The following KCTD1 variants were observed in gnomAD, a reference collection of about 807,000 sequenced individuals.
KCTD1 encodes potassium channel tetramerization domain containing 1.
In KCTD1, 24 loss-of-function variants were observed where a neutral mutation model predicts 66.0. The observed-to-expected ratio is 0.36, with a 90% CI of 0.26 to 0.51. The LOEUF (loss-of-function observed/expected upper bound fraction) is 0.51. Among genes scored for constraint, KCTD1 ranks in the 20% least tolerant of loss-of-function variants. KCTD1 has a pLI of 0.95. For missense variants in KCTD1, 943 were observed against 1,205.2 expected, an observed-to-expected ratio of 0.78 and a Z score of 3.22; for synonymous variants, 511 against 517.2, an observed-to-expected ratio of 0.99 and a Z score of 0.16.
chr18:26,546,624 C>T, intron 1 of KCTD1, 104 bp downstream of exon 1: 2 of 1,309,394 alleles, frequency 1.5e-6, no homozygotes, highest in Non-Finnish European at 2.0e-6. Context: ...AGTACATTAC[C>T]TACTTTTTAA....
At chr18:26,620,190 G>A (rs1158149985) in intron 1 of KCTD1, among the ~76,000 whole-genome samples, 2 of 151,766 alleles carry the variant, frequency 1.3e-5, no homozygotes, top group African/African-American at 2.4e-5. Flanking sequence ...TGTGGAATGC[G>A]GGGACTGATG....
At chr18:26,592,097 C>A (rs187670756) in intron 1 of KCTD1, among the ~76,000 whole-genome samples, 265 of 152,178 alleles carry the variant, frequency 1.7e-3, no homozygotes, top group African/African-American at 5.4e-3. Context: ...AAAGTCTTTA[C>A]CATGTGTAAT....
chr18:26,576,733 C>G (rs1986233911), intron 1 of KCTD1, among the ~76,000 whole-genome samples: 1 of 152,126 alleles, frequency 6.6e-6, no homozygotes, highest in Admixed American at 6.5e-5. Context: ...AGGATTTGTT[C>G]TGTCTTGACA....
chr18:26,461,987 G>A (rs967178470), intron 3 of KCTD1, among the ~76,000 whole-genome samples: 1 of 152,126 alleles, frequency 6.6e-6, no homozygotes, highest in African/African-American at 2.4e-5. Flanking sequence ...GCATGGTGGC[G>A]GACAAAGCCC....
intron 1 of KCTD1, among the ~76,000 whole-genome samples, chr18:26,523,197 C>A (rs1983997737): frequency 6.6e-6 from 1 of 152,050 alleles, no homozygotes; most frequent in Admixed American, 6.6e-5. Context: ...TTGGGAAACA[C>A]TGAGTTAAAC....
At chr18:26,463,175 G>A (rs904182901) in intron 3 of KCTD1, among the ~76,000 whole-genome samples, 9 of 152,164 alleles carry the variant, frequency 5.9e-5, no homozygotes, top group Non-Finnish European at 1.0e-4. Flanking sequence ...GCACCATCTG[G>A]CCAGGCACAG....
At chr18:26,648,480 C>T (rs1987970340) in intron 1 of KCTD1, among the ~76,000 whole-genome samples, 1 of 152,194 alleles carries the variant, frequency 6.6e-6, no homozygotes, top group Admixed American at 6.5e-5. Context: ...AATTTGTTTA[C>T]CTGTATCCAA....
At chr18:26,530,557 G>A (rs1232178673) in intron 1 of KCTD1, among the ~76,000 whole-genome samples, 2 of 152,168 alleles carry the variant, frequency 1.3e-5, no homozygotes, top group Non-Finnish European at 2.9e-5. Flanking sequence ...ACCTCACTAG[G>A]ACAGCAGTAT....
upstream of KCTD1, among the ~76,000 whole-genome samples, chr18:26,642,229 T>A (rs140900964): frequency 3.3e-5 from 5 of 152,280 alleles, no homozygotes; most frequent in African/African-American, 1.2e-4. Flanking sequence ...TGGAAGTGAA[T>A]GTCCTAATCC....
At chr18:26,521,420 C>T (rs1375846572) in intron 1 of KCTD1, among the ~76,000 whole-genome samples, 1 of 152,166 alleles carries the variant, frequency 6.6e-6, no homozygotes, top group African/African-American at 2.4e-5. Context: ...AGGTAGCAGT[C>T]ATCAAAGACT....
At chr18:26,617,858 AGGGAGGGAGGG>A in intron 1 of KCTD1, among the ~76,000 whole-genome samples, 1 of 3,626 alleles carries the variant, frequency 2.8e-4, no homozygotes, top group Non-Finnish European at 7.4e-4. Context: ...GAAGGGAGGG[AGGGAGGGAGGG>A]AGGGAGGGAG....
rs867851938 is a variant in KCTD1 at position 26,482,176 on chromosome 18, C to T, written c.1989-5517G>A. ...TGGTCAACTTCAAGCTTACGGGGGA[C>T]AATGGCTCTAATGCCAGTTACTACT... On this transcript the variant is annotated intron_variant, in intron 2 of 4. Transcript: ENST00000580059. 2.0e-5 allele frequency among the ~76,000 whole-genome samples: 3 copies of T among 152,328 alleles called. No individual in the cohort carries two copies. In the South Asian group the frequency reaches 6.2e-4, roughly 32 times the overall value.
intron 1 of KCTD1, among the ~76,000 whole-genome samples, chr18:26,617,361 C>T (rs540608580): frequency 6.6e-6 from 1 of 152,328 alleles, no homozygotes; most frequent in African/African-American, 2.4e-5. Flanking sequence ...AACTGCCGTA[C>T]AAAGATGTGT....
chr18:26,655,249 T>G (rs538784885), intron 1 of KCTD1, among the ~76,000 whole-genome samples: 2 of 152,344 alleles, frequency 1.3e-5, no homozygotes, highest in South Asian at 4.1e-4. Context: ...AGGAGTCTAC[T>G]GCTGAGAAGG....
chr18:26,548,468 G>A lies in KCTD1; in HGVS notation c.69C>T (p.Ala23=). The A allele has an allele frequency of 4.0e-6, 5 of 1,260,628 alleles. No homozygotes were observed. The highest frequency in any genetic ancestry group is 4.9e-6 in the Non-Finnish European group (5 of 1,010,796). The allele number at this position is 1,260,628 out of a possible 1,614,324, so 78.1% of individuals were successfully genotyped here. ...SAGGSASAAA[A]AAENNGERGE... ...CCCGCTCCCCATTGTTCTCGGCGGC[G>A]GCGGCGGCAGCGCTGGCGCTGCCGC... The change falls in exon 1 of 5, where the codon GCC becomes GCT. Residue 23 remains alanine, a synonymous_variant. Transcript: ENST00000580059.
In KCTD1 at chr18:26,464,112, C is replaced by G. The variant is rs1337864404; in HGVS notation, c.2134-4187G>C. Reference sequence around the variant, plus strand: ...TTCCTACTGCTGCTGTGAGAAATTACCACAAATTTGGTGGCTTAAGACAAC... The same window carrying G: ...TTCCTACTGCTGCTGTGAGAAATTAGCACAAATTTGGTGGCTTAAGACAAC... On this transcript the variant is annotated intron_variant, in intron 3 of 4. Transcript: ENST00000580059. Among the ~76,000 whole-genome samples, 13 of 152,204 alleles carry G rather than the reference C, an allele frequency of 8.5e-5. No individual in the cohort carries two copies. In the South Asian group the frequency reaches 1.2e-3, roughly 15 times the overall value.
chr18:26,654,133 G>A (rs1988084819), intron 1 of KCTD1, among the ~76,000 whole-genome samples: 1 of 152,192 alleles, frequency 6.6e-6, no homozygotes, highest in Non-Finnish European at 1.5e-5. Flanking sequence ...AAGCATTTGT[G>A]CAAGCAATTG....
chr18:26,473,071 T>G (rs1981155263), intron 3 of KCTD1, among the ~76,000 whole-genome samples: 2 of 152,088 alleles, frequency 1.3e-5, no homozygotes, highest in Admixed American at 6.6e-5. Context: ...TGGATAAAAT[T>G]TTTGCCCAAA....
At chr18:26,505,284 C>G (rs1381859370) in intron 1 of KCTD1, among the ~76,000 whole-genome samples, 2 of 152,240 alleles carry the variant, frequency 1.3e-5, no homozygotes, top group African/African-American at 2.4e-5. Flanking sequence ...TTGTGTATGT[C>G]TTTCAGGATT....
Sources: gnomAD v4.1 joint callset for allele counts (sites outside exome capture counted in the v4.1 genomes callset) on GRCh38, gnomAD v4.1.1 for gene constraint, MANE v1.5 for transcripts, NCBI Gene and HGNC (gene_info 2026-07-23, HGNC 2026-07-21) for gene names.